The following SPOCK3 variants were observed in gnomAD, a reference collection of about 807,000 sequenced individuals.
SPOCK3 encodes the protein SPARC (osteonectin), cwcv and kazal like domains proteoglycan 3, also known as testican-3.
Under a neutral mutation model 56.6 loss-of-function variants are expected in SPOCK3, and 30 were observed. That is an observed-to-expected ratio of 0.53 (90% CI 0.40 to 0.72). The LOEUF is 0.72. SPOCK3 is among the 30% of genes least tolerant of loss of function. The pLI is 0.00. For synonymous variants in SPOCK3, 196 were observed against 183.3 expected (o/e 1.07, Z -0.56); for missense variants, 527 against 530.0 (o/e 0.99, Z 0.06).
chr4:166,839,269 C>T (rs1341758996), intron 6 of SPOCK3, among the ~76,000 whole-genome samples: 1 of 152,078 alleles, frequency 6.6e-6, no homozygotes, highest in African/African-American at 2.4e-5. Context: ...GTTGTGCCTC[C>T]TGGTTATGGA....
chr4:167,198,325 T>C (rs1466340647), intron 2 of SPOCK3, among the ~76,000 whole-genome samples: 1 of 152,158 alleles, frequency 6.6e-6, no homozygotes, highest in African/African-American at 2.4e-5. Flanking sequence ...GGAATGGCTA[T>C]GGCCCTGCTA....
At chr4:166,833,202 T>C (rs62353208) in intron 6 of SPOCK3, among the ~76,000 whole-genome samples, 11,646 of 152,272 alleles carry the variant, frequency 0.076, 540 homozygotes, top group Non-Finnish European at 0.1. Context: ...TTCAATTATA[T>C]TTTTGTCAGA....
intron 8 of SPOCK3, among the ~76,000 whole-genome samples, chr4:166,749,135 G>T (rs1156845940): frequency 7.3e-6 from 1 of 136,970 alleles, no homozygotes; most frequent in Admixed American, 7.0e-5. Flanking sequence ...TCCCATTACT[G>T]GGTATATACC....
chr4:166,839,872 C>A (rs1747050304), intron 6 of SPOCK3, among the ~76,000 whole-genome samples: 1 of 152,158 alleles, frequency 6.6e-6, no homozygotes, highest in South Asian at 2.1e-4. Flanking sequence ...CCCCAGAAAA[C>A]CCCCATAAAA....
At chr4:166,953,975 T>C (rs4508920) in intron 4 of SPOCK3, among the ~76,000 whole-genome samples, 115,787 of 151,956 alleles carry the variant, frequency 0.76, 44,287 homozygotes, top group East Asian at 0.91. Context: ...GGGAGATATA[T>C]CTAATGCTAG....
intron 4 of SPOCK3, among the ~76,000 whole-genome samples, chr4:166,975,176 TA>T (rs1745808035): frequency 6.6e-6 from 1 of 152,170 alleles, no homozygotes; most frequent in South Asian, 2.1e-4. Flanking sequence ...TTTAGAACTG[TA>T]AAAAATACAT....
chr4:167,096,917 G>A (rs1759207368), intron 2 of SPOCK3, among the ~76,000 whole-genome samples: 1 of 151,628 alleles, frequency 6.6e-6, no homozygotes, highest in Non-Finnish European at 1.5e-5. Flanking sequence ...ATCAGTTTTT[G>A]CCTTACATGT....
At chr4:166,741,727 G>A (rs1219426011) in intron 9 of SPOCK3, among the ~76,000 whole-genome samples, 4 of 152,072 alleles carry the variant, frequency 2.6e-5, no homozygotes, top group Non-Finnish European at 1.5e-5. Flanking sequence ...ATTTTCTGCT[G>A]ATGTTTTAAC....
intron 7 of SPOCK3, among the ~76,000 whole-genome samples, chr4:166,789,421 C>T (rs572085479): frequency 6.6e-6 from 1 of 152,008 alleles, no homozygotes; most frequent in South Asian, 2.1e-4. Flanking sequence ...AAGAGCGAAA[C>T]GCTGTCTCAA....
chr4:166,740,645 G>A (rs1408889945), intron 9 of SPOCK3, among the ~76,000 whole-genome samples: 1 of 151,752 alleles, frequency 6.6e-6, no homozygotes, highest in Admixed American at 6.6e-5. Flanking sequence ...CCTGCTTCAG[G>A]CGCCAGAGTA....
At chr4:167,109,582 T>TTA (rs549583963) in intron 2 of SPOCK3, among the ~76,000 whole-genome samples, 60 of 135,118 alleles carry the variant, frequency 4.4e-4, no homozygotes, top group Admixed American at 1.0e-3. Flanking sequence ...TATATATTTA[T>TTA]TATATATATA....
intron 2 of SPOCK3, among the ~76,000 whole-genome samples, chr4:167,082,475 G>A (rs186703951): frequency 6.0e-4 from 91 of 152,098 alleles, no homozygotes; most frequent in Non-Finnish European, 1.2e-3. Context: ...CATATTGTCC[G>A]TGACTGCTTT....
rs1388842384 is a variant in SPOCK3, at chr4:167,193,253, G to A, written c.189+40732C>T. 2.1e-5 allele frequency among the ~76,000 whole-genome samples: 3 copies of A among 145,492 alleles called. 1 individual carries two copies. The highest frequency in any genetic ancestry group is 3.0e-5 in the Non-Finnish European group (2 of 66,832). On this transcript the variant is annotated intron_variant, in intron 2 of 10. Transcript: ENST00000357545. ...TTGTTGATTTTCTTTGTAGTATTAC[G>A]GTTTTATTCCTTTCCCTTTATATTT... is the stretch of plus-strand genomic sequence containing the variant.
chr4:166,998,966 G>GA (rs539263775), intron 4 of SPOCK3, among the ~76,000 whole-genome samples: 145 of 152,128 alleles, frequency 9.5e-4, no homozygotes, highest in African/African-American at 3.3e-3. Context: ...GAAATAAATA[G>GA]AAAAATGAGT....
intron 7 of SPOCK3, among the ~76,000 whole-genome samples, chr4:166,777,755 C>A (rs1183990785): frequency 1.3e-5 from 2 of 152,044 alleles, no homozygotes; most frequent in African/African-American, 4.8e-5. Context: ...TATATAAATA[C>A]CTAAAAGTTA....
chr4:167,191,236 A>C (rs1732450263), intron 2 of SPOCK3, among the ~76,000 whole-genome samples: 1 of 145,750 alleles, frequency 6.9e-6, no homozygotes, highest in Non-Finnish European at 1.5e-5. Context: ...GGATATTTTA[A>C]ATTTTTTTAT....
chr4:166,767,965 A>G (rs1033040722), intron 7 of SPOCK3, among the ~76,000 whole-genome samples: 1 of 150,530 alleles, frequency 6.6e-6, no homozygotes, highest in African/African-American at 2.4e-5. Flanking sequence ...TTGTCTTTTG[A>G]TCTTTGTTGG....
rs547175837 is a variant in SPOCK3 at position 166,980,873 on chromosome 4, C to T, written c.350+19476G>A. Among the ~76,000 whole-genome samples the T allele has an allele frequency of 5.3e-5, 8 of 152,306 alleles. No individual in the cohort carries two copies. The East Asian group carries it at 1.6e-3, about 30-fold the overall frequency. ...CCCTAAATCTGGGCTCCCAGAATGA[C>T]CACAGCTCTTCTCTCCTTCCTGTCA... On this transcript the variant is annotated intron_variant, in intron 4 of 10. Coordinates refer to ENST00000357545, the MANE Select transcript of SPOCK3 (RefSeq NM_001040159.2).
In SPOCK3 at chr4:167,093,467, G is replaced by A. The variant is rs540809194; in HGVS notation, c.190-30930C>T. Among the ~76,000 whole-genome samples the A allele has an allele frequency of 1.2e-4, 18 of 151,820 alleles. No individual in the cohort carries two copies. In the South Asian group the frequency reaches 1.5e-3, roughly 12 times the overall value. Reference sequence around the variant, plus strand: ...AACCCCCCATCCCCTGACAGGCCCCGGTGCATGATGTTCCCATCCCTGTGT... The same window carrying A: ...AACCCCCCATCCCCTGACAGGCCCCAGTGCATGATGTTCCCATCCCTGTGT... On this transcript the variant is annotated intron_variant, in intron 2 of 10. Transcript: ENST00000357545.
Sources: allele counts gnomAD v4.1 joint callset (sites outside exome capture counted in the v4.1 genomes callset), GRCh38; gene constraint gnomAD v4.1.1; transcripts MANE v1.5; gene names NCBI Gene and HGNC (gene_info 2026-07-23, HGNC 2026-07-21).